The following ECHDC2 variants were observed in gnomAD, a reference collection of about 807,000 sequenced individuals.
ECHDC2 encodes the protein enoyl-CoA hydratase domain containing 2.
ECHDC2 carries 34 observed loss-of-function variants against 40.6 expected under a neutral mutation model. The observed-to-expected ratio is 0.84, with a 90% CI of 0.64 to 1.11. ECHDC2 has a LOEUF of 1.11. ECHDC2 is among the 50% of genes most tolerant of loss of function. The pLI is 0.00. For missense variants in ECHDC2, 392 were observed against 400.7 expected, an observed-to-expected ratio of 0.98 and a Z score of 0.19; for synonymous variants, 162 against 166.6, an observed-to-expected ratio of 0.97 and a Z score of 0.21.
chr1:52,917,573 A>T (rs760745278), intron 1 of ECHDC2: 1 of 455,926 alleles, frequency 2.2e-6, no homozygotes, highest in East Asian at 6.9e-5. Context: ...TAGAGGAGGG[A>T]GGATGGAAAG....
At chr1:52,903,949 C>G (rs12089843) in intron 7 of ECHDC2, among the ~76,000 whole-genome samples, 4 of 151,830 alleles carry the variant, frequency 2.6e-5, no homozygotes, top group Non-Finnish European at 4.4e-5. Flanking sequence ...TCCTGAGTAG[C>G]TGGGATTACA....
rs111799802 is a variant in ECHDC2, at chr1:52,897,118, A to G, written c.801+319T>C. Reference sequence around the variant, plus strand: ...CTACAACCAAGCCCTTGACCTCCCAACTCCATCCTGAACTTTACAGTGGCA... The same window carrying G: ...CTACAACCAAGCCCTTGACCTCCCAGCTCCATCCTGAACTTTACAGTGGCA... On this transcript the variant is annotated intron_variant, in intron 9 of 9. Transcript: ENST00000371522. 1,486 of 446,050 alleles carry G rather than the reference A, an allele frequency of 3.3e-3. 14 individuals are homozygous for G. Among genetic ancestry groups the G allele is most frequent in the African/African-American group, 0.026 (1,332 of 51,234 alleles). 27.6% of individuals were successfully genotyped at this position (446,050 alleles called of 1,614,324 possible).
intron 1 of ECHDC2, among the ~76,000 whole-genome samples, chr1:52,919,402 C>T (rs147123584): frequency 2.6e-5 from 4 of 152,256 alleles, no homozygotes; most frequent in Admixed American, 6.5e-5. Flanking sequence ...GTATTCAGCC[C>T]GGTACCATGC....
At chr1:52,913,201 C>T (rs1258117260) in intron 1 of ECHDC2, 1 of 152,158 alleles carries the variant, frequency 6.6e-6, no homozygotes, top group Non-Finnish European at 1.5e-5. Flanking sequence ...TGCACAATCA[C>T]GGGGACAGAT....
chr1:52,901,075 T>C (rs1646959664), intron 7 of ECHDC2: 2 of 152,148 alleles, frequency 1.3e-5, no homozygotes, highest in Admixed American at 1.3e-4. Flanking sequence ...GAAGGATCAC[T>C]TGGGCCTGAG....
chr1:52,896,658 G>A (rs920502393), intron 9 of ECHDC2, 61 bp from the exon 10 acceptor site: 16 of 1,390,822 alleles, frequency 1.2e-5, no homozygotes, highest in Non-Finnish European at 1.4e-5. Flanking sequence ...AAAAAGAGTT[G>A]CTTAAGCTTG....
Position 52,899,416 on chromosome 1 carries a change from A to G in ECHDC2, c.703-192T>C, listed in dbSNP as rs529650669. Reference sequence around the variant, plus strand: ...TTCTTTTTCTATCATGAAAGAAGCCAGACTCTGATCCCTGAACACCTGGGT... The same window carrying G: ...TTCTTTTTCTATCATGAAAGAAGCCGGACTCTGATCCCTGAACACCTGGGT... On this transcript the variant is annotated intron_variant, in intron 7 of 9. Transcript: ENST00000371522. 1.2e-4 allele frequency: 75 copies of G among 606,400 alleles called. No individual in the cohort carries two copies. In the African/African-American group the frequency reaches 1.3e-3, roughly 11 times the overall value. The allele number at this position is 606,400 out of a possible 1,614,324, so 37.6% of individuals were successfully genotyped here. A position where few individuals can be genotyped will look rare whatever the true frequency, so the allele number is the denominator to read the frequency against.
intron 7 of ECHDC2, chr1:52,900,182 A>G (rs1646901108): frequency 6.6e-6 from 1 of 152,224 alleles, no homozygotes; most frequent in South Asian, 2.1e-4. Context: ...AAATCAAAAC[A>G]GTGAGGTACT....
At chr1:52,921,297 C>A in intron 1 of ECHDC2, 1 of 745,872 alleles carries the variant, frequency 1.3e-6, no homozygotes, top group Non-Finnish European at 1.9e-6. Context: ...GCTCCCCCTT[C>A]CACACAGTCG....
intron 9 of ECHDC2, 40 bp from the exon 10 acceptor site, chr1:52,896,637 G>GC (rs1557468942): frequency 6.5e-7 from 1 of 1,537,444 alleles, no homozygotes; most frequent in South Asian, 1.1e-5. Context: ...GGGGAGCAGG[G>GC]CCACAGGCCC....
intron 8 of ECHDC2, 159 bp from the exon 9 acceptor site, chr1:52,897,643 CAA>C: frequency 1.4e-6 from 1 of 720,802 alleles, no homozygotes; most frequent in South Asian, 1.6e-5. Flanking sequence ...GTAACTATGA[CAA>C]AACTGCTGGG....
chr1:52,906,192 G>A (rs954753866), intron 5 of ECHDC2: 1 of 386,902 alleles, frequency 2.6e-6, no homozygotes, highest in African/African-American at 2.1e-5. Flanking sequence ...AAACATGGTC[G>A]ATAAATCTGA....
intron 1 of ECHDC2, chr1:52,917,591 T>A (rs1221851999): frequency 2.2e-6 from 1 of 455,936 alleles, no homozygotes; most frequent in East Asian, 6.9e-5. Context: ...AAGGTCAGCT[T>A]GTGGTGGAGA....
chr1:52,899,250 TGAG>T, intron 7 of ECHDC2, 26 bp from the exon 8 acceptor site: 15 of 1,613,134 alleles, frequency 9.3e-6, no homozygotes, highest in Non-Finnish European at 1.1e-5. Flanking sequence ...AAGTCTTGGT[TGAG>T]GAGGGCATCA....
At chr1:52,909,959 T>C (rs1006973380) in intron 3 of ECHDC2, among the ~76,000 whole-genome samples, 6 of 152,034 alleles carry the variant, frequency 3.9e-5, no homozygotes, top group Non-Finnish European at 5.9e-5. Flanking sequence ...ATATATACAA[T>C]AGAATGCTAC....
At chr1:52,897,702 C>T (rs1646727356) in intron 8 of ECHDC2, 2 of 608,652 alleles carry the variant, frequency 3.3e-6, no homozygotes, top group African/African-American at 1.8e-5. Flanking sequence ...AGGAGTTCTC[C>T]TTCCCATCCG....
chr1:52,898,604 C>T (rs1305562602), intron 8 of ECHDC2: 1 of 162,114 alleles, frequency 6.2e-6, no homozygotes, highest in Non-Finnish European at 1.4e-5. Context: ...AGCGTGGTAC[C>T]ATTATCCTTG....
chr1:52,921,349 G>A lies in ECHDC2; in HGVS notation c.121+204C>T, dbSNP rs1422887720. On this transcript the variant is annotated intron_variant, in intron 1 of 9. Transcript: ENST00000371522. ...CTTTGAAGAGACCGAGGTTGCCAGA[G>A]GCCCCCCGCCCCCAGCTAGAGTCTG... The A allele has an allele frequency of 3.2e-6, 4 of 1,267,252 alleles. No individual in the cohort carries two copies. The African/African-American group carries it at 4.7e-5, about 15-fold the overall frequency. The allele number at this position is 1,267,252 out of a possible 1,614,324, so 78.5% of individuals were successfully genotyped here. A position where few individuals can be genotyped will look rare whatever the true frequency, so the allele number is the denominator to read the frequency against.
rs754429424 is a variant in ECHDC2 at position 52,921,668 on chromosome 1, C to T, written c.6G>A (p.Leu2=). ...AGGGGCGCAGGAGGCACAGAACGCG[C>T]AGCATCGGGGCGCAGGCTGGGAGTG... is the stretch of plus-strand genomic sequence containing the variant. M[L]RVLCLLRPWR... Residue 2 remains leucine (L), a synonymous_variant, in exon 1 of 10, where the codon CTG becomes CTA. Transcript: ENST00000371522. 1.8e-5 allele frequency: 29 copies of T among 1,568,788 alleles called. No individual in the cohort carries two copies. Among genetic ancestry groups the T allele is most frequent in the Non-Finnish European group, 2.4e-5 (28 of 1,159,430 alleles).
Sources: allele counts gnomAD v4.1 joint callset (sites outside exome capture counted in the v4.1 genomes callset), GRCh38; gene constraint gnomAD v4.1.1; transcripts MANE v1.5; gene names NCBI Gene and HGNC (gene_info 2026-07-23, HGNC 2026-07-21).